Variants in ZFHX3 observed in about 807,000 individuals in gnomAD.
ZFHX3 encodes zinc finger homeobox protein 3.
Under a neutral mutation model 279.1 loss-of-function variants are expected in ZFHX3, and 42 were observed. The ratio of observed to expected loss-of-function variants is 0.15; its 90% CI spans 0.12 to 0.19. The LOEUF is 0.19. Among genes scored for constraint, ZFHX3 ranks in the 10% least tolerant of loss-of-function variants. The probability of loss-of-function intolerance (pLI) is 1.00; values close to 1 mark genes in which losing one functional copy is unlikely to be tolerated. For missense variants in ZFHX3, 4,981 were observed against 4,754.0 expected (o/e 1.05, Z -1.40); for synonymous variants, 2,293 against 1,957.8 (o/e 1.17, Z -4.52).
At chr16:73,781,714 C>T (rs918710681) in intron 1 of ZFHX3, among the ~76,000 whole-genome samples, 4 of 152,214 alleles carry the variant, frequency 2.6e-5, no homozygotes, top group East Asian at 1.9e-4. Flanking sequence ...AGAGGTCGGG[C>T]GTGGTGGCGC....
chr16:73,270,543 GAAGC>G (rs1244293518), intron 4 of ZFHX3, among the ~76,000 whole-genome samples: 1 of 152,214 alleles, frequency 6.6e-6, no homozygotes, highest in Non-Finnish European at 1.5e-5. Context: ...ATGATTGACT[GAAGC>G]AAGATGGTGG....
At chr16:72,819,705 G>T (rs2036728214) in intron 5 of ZFHX3, among the ~76,000 whole-genome samples, 1 of 152,166 alleles carries the variant, frequency 6.6e-6, no homozygotes, top group Non-Finnish European at 1.5e-5. Context: ...CTGATGACAT[G>T]ATACTCTCAT....
chr16:73,445,521 G>C (rs779976115), intron 3 of ZFHX3, among the ~76,000 whole-genome samples: 3 of 152,102 alleles, frequency 2.0e-5, no homozygotes, highest in Non-Finnish European at 2.9e-5. Flanking sequence ...GTTCCAAATG[G>C]AACTATCTGA....
At chr16:73,295,547 C>A (rs752552136) in intron 4 of ZFHX3, among the ~76,000 whole-genome samples, 6 of 152,246 alleles carry the variant, frequency 3.9e-5, no homozygotes, top group Non-Finnish European at 1.5e-5. Flanking sequence ...CTCTTGCATG[C>A]GCAATCTGCA....
At chr16:72,807,183 T>C (rs1428918799) in intron 7 of ZFHX3, 1 of 152,222 alleles carries the variant, frequency 6.6e-6, no homozygotes, top group Non-Finnish European at 1.5e-5. Context: ...TCAAGCTTCT[T>C]TGTAAATAGG....
chr16:72,902,794 C>T (rs554204555), intron 3 of ZFHX3, among the ~76,000 whole-genome samples: 2 of 152,054 alleles, frequency 1.3e-5, no homozygotes, highest in African/African-American at 4.8e-5. Context: ...GGCTGAGGAG[C>T]CTTTCATGGA....
In ZFHX3 at chr16:73,839,450, A is replaced by G. The variant is rs1205084137; in HGVS notation, c.-1608+52201T>C. ...TCAGAACTTTTCAAAAGGGAATATG[A>G]GCATATGAAGAGCCAACAGGTTGGA... On this transcript the variant is annotated intron_variant, in intron 1 of 17. Transcript: ENST00000641206. Among the ~76,000 whole-genome samples the G allele has an allele frequency of 2.0e-5, 3 of 150,840 alleles. No individual in the cohort carries two copies. The Admixed American group carries it at 2.0e-4, about 10-fold the overall frequency.
At chr16:73,423,881 G>GAC (rs2017763848) in intron 3 of ZFHX3, among the ~76,000 whole-genome samples, 1 of 150,496 alleles carries the variant, frequency 6.6e-6, no homozygotes. Context: ...AAAAAAAAGT[G>GAC]AGAGAGATCT....
intron 1 of ZFHX3, among the ~76,000 whole-genome samples, chr16:73,723,091 G>A (rs1043133186): frequency 2.0e-5 from 3 of 152,094 alleles, no homozygotes; most frequent in Admixed American, 6.5e-5. Context: ...TACCAAAGTG[G>A]CTCAATCCTA....
At position 72,958,801 on chromosome 16, in the gene ZFHX3, C is replaced by G; in HGVS notation, c.1345G>C (p.Gly449Arg). The G allele has an allele frequency of 1.2e-6, 2 of 1,614,142 alleles. No homozygotes were observed. The highest frequency in any genetic ancestry group is 1.7e-6 in the Non-Finnish European group (2 of 1,180,038). Residue 449 changes from glycine (G) to arginine (R), a missense_variant, in exon 2 of 10, where the codon GGG (glycine) becomes CGG (arginine). Gly to Arg is a moderately radical substitution (Grantham distance 125). Transcript: ENST00000268489. ...AEGEKQEVGD[G>R]DCFSEKVEPA... Reference sequence around the variant, plus strand: ...TCTACCTTCTCAGAGAAGCAATCCCCGTCGCCCACTTCCTGCTTCTCTCCT... The same window carrying G: ...TCTACCTTCTCAGAGAAGCAATCCCGGTCGCCCACTTCCTGCTTCTCTCCT...
chr16:73,144,682 C>G (rs1377370696), intron 5 of ZFHX3, among the ~76,000 whole-genome samples: 1 of 152,148 alleles, frequency 6.6e-6, no homozygotes, highest in African/African-American at 2.4e-5. Context: ...AGAAGACATT[C>G]CCTAACCTTG....
chr16:73,505,891 C>T (rs2019318227), intron 2 of ZFHX3, among the ~76,000 whole-genome samples: 1 of 152,222 alleles, frequency 6.6e-6, no homozygotes, highest in African/African-American at 2.4e-5. Context: ...GCTCCATGCA[C>T]GAGGATTGGT....
At chr16:73,498,893 C>G (rs964500523) in intron 2 of ZFHX3, among the ~76,000 whole-genome samples, 1 of 152,092 alleles carries the variant, frequency 6.6e-6, no homozygotes, top group Non-Finnish European at 1.5e-5. Context: ...GTGAGTGCTT[C>G]GGTTCTGATG....
Position 72,793,985 on chromosome 16 carries a change from C to T in ZFHX3, c.8697G>A (p.Pro2899=), listed in dbSNP as rs751040735. 1.4e-5 allele frequency: 23 copies of T among 1,614,084 alleles called. No homozygotes were observed. Among genetic ancestry groups the T allele is most frequent in the Admixed American group, 1.2e-4 (7 of 60,008 alleles). ...RLSSGLVSPA[P]SFYSKEYDNE... ...TGTCATATTCCTTGCTATAAAAGCT[C>T]GGGGCCGGGCTGACCAGACCAGATG... Residue 2899 remains proline, a synonymous_variant, in exon 9 of 10, where the codon CCG becomes CCA. Coordinates refer to ENST00000268489, the MANE Select transcript of ZFHX3 (RefSeq NM_006885.4). This position sits in a 1 kb window ranked among gnomAD's most constrained non-coding sequence, Gnocchi z 4.3.
chr16:72,895,616 G>A (rs2038880393), intron 3 of ZFHX3, among the ~76,000 whole-genome samples: 1 of 152,234 alleles, frequency 6.6e-6, no homozygotes, highest in African/African-American at 2.4e-5. Context: ...GAGCTTAGGA[G>A]TTCAAGAGCA....
chr16:73,410,585 A>T (rs918622711), intron 3 of ZFHX3, among the ~76,000 whole-genome samples: 1 of 152,212 alleles, frequency 6.6e-6, no homozygotes, highest in African/African-American at 2.4e-5. Context: ...AAATATATAT[A>T]TAACTACTGT....
intron 2 of ZFHX3, among the ~76,000 whole-genome samples, chr16:73,485,278 T>C (rs888792768): frequency 3.3e-4 from 50 of 152,124 alleles, no homozygotes; most frequent in African/African-American, 1.1e-3. Context: ...ACTGGTTTCT[T>C]TCCTTTGTGT....
At chr16:73,125,886 C>G (rs1966561318) in intron 7 of ZFHX3, among the ~76,000 whole-genome samples, 1 of 151,880 alleles carries the variant, frequency 6.6e-6, no homozygotes. Flanking sequence ...AATACCGTAC[C>G]ATTATTATCC....
chr16:73,208,729 A>C (rs2011898980), intron 5 of ZFHX3, among the ~76,000 whole-genome samples: 1 of 152,208 alleles, frequency 6.6e-6, no homozygotes, highest in Non-Finnish European at 1.5e-5. Context: ...AGAGATGCCT[A>C]CTTTTCTGTA....
Sources: gnomAD v4.1 joint callset for allele counts (sites outside exome capture counted in the v4.1 genomes callset) on GRCh38, gnomAD v4.1.1 for gene constraint, Gnocchi (gnomAD v3.1) non-coding constraint, MANE v1.5 for transcripts, NCBI Gene and HGNC (gene_info 2026-07-23, HGNC 2026-07-21) for gene names.